SPATS2L: variants seen among roughly 807,000 people sequenced by gnomAD.
The protein encoded by SPATS2L is spermatogenesis associated serine rich 2 like.
In SPATS2L, 30 loss-of-function variants were observed where a neutral mutation model predicts 59.6. That is an observed-to-expected ratio of 0.50 (90% CI 0.38 to 0.68). The LOEUF (loss-of-function observed/expected upper bound fraction) is 0.68. Among genes scored for constraint, SPATS2L ranks in the 30% least tolerant of loss-of-function variants. SPATS2L has a pLI of 0.00. For synonymous variants in SPATS2L, 252 were observed against 263.5 expected, an observed-to-expected ratio of 0.96 and a Z score of 0.42; for missense variants, 615 against 700.0, an observed-to-expected ratio of 0.88 and a Z score of 1.37.
At chr2:200,366,807 A>T (rs781453557) in intron 2 of SPATS2L, among the ~76,000 whole-genome samples, 19 of 152,216 alleles carry the variant, frequency 1.2e-4, no homozygotes, top group Non-Finnish European at 2.5e-4. Context: ...TGCCTTCTAC[A>T]TTCCTAAAGC....
At chr2:200,440,613 G>A (rs778134482) in intron 7 of SPATS2L, 36 bp from the exon 8 acceptor site, 1 of 1,595,856 alleles carries the variant, frequency 6.3e-7, no homozygotes, top group South Asian at 1.1e-5. Context: ...AGGATTAAAT[G>A]CTCAAGTTAA....
Position 200,478,122 on chromosome 2 carries a change from T to C in SPATS2L, c.*91T>C. On this transcript the variant is annotated 3_prime_UTR_variant, in exon 13 of 13. Transcript: ENST00000409140. Reference sequence around the variant, plus strand: ...GCTGCCAAAAGAGTGTCAATCAGAATATACAAATCCCGTATGGTTGTGTCA... The same window carrying C: ...GCTGCCAAAAGAGTGTCAATCAGAACATACAAATCCCGTATGGTTGTGTCA... The C allele has an allele frequency of 1.6e-6, 2 of 1,237,794 alleles. No homozygotes were observed. Among genetic ancestry groups the C allele is most frequent in the Non-Finnish European group, 2.2e-6 (2 of 904,736 alleles). The allele number at this position is 1,237,794 out of a possible 1,614,324, so 76.7% of individuals were successfully genotyped here.
chr2:200,366,935 A>G (rs1230840008), intron 2 of SPATS2L, among the ~76,000 whole-genome samples: 1 of 152,250 alleles, frequency 6.6e-6, no homozygotes, highest in Non-Finnish European at 1.5e-5. Flanking sequence ...GTAATTTACT[A>G]AGAGTTTCTA....
chr2:200,334,336 A>C (rs1299803275), intron 2 of SPATS2L, among the ~76,000 whole-genome samples: 1 of 150,034 alleles, frequency 6.7e-6, no homozygotes, highest in Non-Finnish European at 1.5e-5. Flanking sequence ...CATATCCTTC[A>C]CCCACTTTTT....
chr2:200,465,179 G>A (rs983633979), intron 9 of SPATS2L, among the ~76,000 whole-genome samples: 5 of 152,176 alleles, frequency 3.3e-5, no homozygotes, highest in African/African-American at 1.2e-4. Context: ...TGTGCCAAAT[G>A]GGGCAGGGGG....
Position 200,384,414 on chromosome 2 carries a change from C to T in SPATS2L, c.-22-4809C>T, listed in dbSNP as rs567696205. Among the ~76,000 whole-genome samples, 8 of 152,164 alleles carry T rather than the reference C, an allele frequency of 5.3e-5. No homozygotes were observed. The South Asian group carries it at 1.2e-3, about 24-fold the overall frequency. ...TGTCGCCCAGGCTGGAGTGCAGTGG[C>T]GCAATCTCAGCTCACTGCAAGCTCT... is the stretch of plus-strand genomic sequence containing the variant. On this transcript the variant is annotated intron_variant, in intron 2 of 12. Coordinates refer to ENST00000409140, the MANE Select transcript of SPATS2L (RefSeq NM_001100423.2).
At chr2:200,352,858 A>G (rs1235358189) in intron 2 of SPATS2L, among the ~76,000 whole-genome samples, 1 of 152,160 alleles carries the variant, frequency 6.6e-6, no homozygotes, top group East Asian at 1.9e-4. Context: ...TGTATGAGGG[A>G]AAAAAATGAG....
In SPATS2L at chr2:200,362,239, C is replaced by A. The variant is rs116011280; in HGVS notation, c.-22-26984C>A. On this transcript the variant is annotated intron_variant, in intron 2 of 12. Coordinates refer to ENST00000409140, the MANE Select transcript of SPATS2L (RefSeq NM_001100423.2). Reference sequence around the variant, plus strand: ...CTGTAGCCTGGACAACAGAGACAGACCTTGTCTTGAAAAAAAAGAGTTGTG... The same window carrying A: ...CTGTAGCCTGGACAACAGAGACAGAACTTGTCTTGAAAAAAAAGAGTTGTG... Among the ~76,000 whole-genome samples the A allele has an allele frequency of 4.2e-3, 636 of 152,166 alleles. 8 individuals are homozygous for A. Among genetic ancestry groups the A allele is most frequent in the African/African-American group, 0.015 (613 of 41,518 alleles).
At chr2:200,443,740 C>G (rs1040515359) in intron 8 of SPATS2L, among the ~76,000 whole-genome samples, 1 of 152,148 alleles carries the variant, frequency 6.6e-6, no homozygotes, top group Non-Finnish European at 1.5e-5. Context: ...ACTAAACTCC[C>G]TGAAAAGTAC....
chr2:200,473,149 G>T (rs1430946368), intron 12 of SPATS2L, 97 bp downstream of exon 12: 12 of 1,228,196 alleles, frequency 9.8e-6, no homozygotes, highest in Non-Finnish European at 1.3e-5. Flanking sequence ...GGCCTCCTGG[G>T]GTCACACTCA....
chr2:200,338,286 A>G (rs955483009), intron 2 of SPATS2L, among the ~76,000 whole-genome samples: 1 of 152,186 alleles, frequency 6.6e-6, no homozygotes, highest in Non-Finnish European at 1.5e-5. Context: ...CGGCCTCCCA[A>G]AGCATTAGGA....
chr2:200,375,230 T>A (rs1222390376), intron 2 of SPATS2L, among the ~76,000 whole-genome samples: 1 of 152,068 alleles, frequency 6.6e-6, no homozygotes, highest in Non-Finnish European at 1.5e-5. Context: ...TATATAGGAG[T>A]GAGGCTAATG....
At chr2:200,310,851 TCTGAC>T (rs1368116309) in intron 1 of SPATS2L, among the ~76,000 whole-genome samples, 2 of 152,262 alleles carry the variant, frequency 1.3e-5, no homozygotes, top group Admixed American at 1.3e-4. Context: ...TCTTTTTTTC[TCTGAC>T]CTAACCACAT....
intron 3 of SPATS2L, among the ~76,000 whole-genome samples, chr2:200,410,705 A>T (rs145855328): frequency 2.0e-5 from 3 of 152,226 alleles, no homozygotes; most frequent in African/African-American, 7.2e-5. Context: ...ATAAAGTCAT[A>T]TAAGTCAAGT....
chr2:200,330,802 C>T (rs2105794525), intron 2 of SPATS2L, among the ~76,000 whole-genome samples: 1 of 152,264 alleles, frequency 6.6e-6, no homozygotes, highest in South Asian at 2.1e-4. Flanking sequence ...CCTCCAGCTG[C>T]CTGTCACTAA....
Position 200,419,481 on chromosome 2 carries a change from C to G in SPATS2L, c.430C>G (p.Leu144Val). The G allele has an allele frequency of 6.2e-7, 1 of 1,613,888 alleles. No homozygotes were observed. Among genetic ancestry groups the G allele is most frequent in the Non-Finnish European group, 8.5e-7 (1 of 1,179,844 alleles). ...GATACTTGAGGAACCTTCAAAGGCA[C>G]TTCGTGGGGTCACAGGTCAGTAATG... ...ISILEEPSKALRGVTEGNRLL... is the reference protein window; with the variant it reads ...ISILEEPSKAVRGVTEGNRLL... Residue 144 changes from leucine to valine, a missense_variant, in exon 6 of 13, where the codon CTT becomes GTT. Leu to Val is a conservative substitution (Grantham distance 32). This residue lies in a region of SPATS2L where 227 missense variants were observed against 257.4 expected (regional missense o/e 0.88). Coordinates refer to ENST00000409140, the MANE Select transcript of SPATS2L (RefSeq NM_001100423.2).
At chr2:200,475,795 T>C (rs1331639541) in intron 12 of SPATS2L, among the ~76,000 whole-genome samples, 1 of 152,218 alleles carries the variant, frequency 6.6e-6, no homozygotes, top group Non-Finnish European at 1.5e-5. Context: ...ATGAAGAACC[T>C]TATATATTTG....
intron 11 of SPATS2L, among the ~76,000 whole-genome samples, chr2:200,472,256 G>A (rs375483868): frequency 5.3e-5 from 8 of 152,284 alleles, no homozygotes; most frequent in South Asian, 2.1e-4. Flanking sequence ...AGGGGCTGGC[G>A]GGCCTGGCCC....
intron 8 of SPATS2L, among the ~76,000 whole-genome samples, chr2:200,455,424 G>A (rs2106169858): frequency 6.6e-6 from 1 of 152,308 alleles, no homozygotes; most frequent in South Asian, 2.1e-4. Flanking sequence ...GTGGCAAGGA[G>A]AAAGCCAGGC....
Sources: gnomAD v4.1 joint callset for allele counts (sites outside exome capture counted in the v4.1 genomes callset) on GRCh38, gnomAD v4.1.1 for gene constraint, gnomAD v4.1.1 regional missense constraint, MANE v1.5 for transcripts, NCBI Gene and HGNC (gene_info 2026-07-23, HGNC 2026-07-21) for gene names.